KCNIP1: variants seen among roughly 807,000 people sequenced by gnomAD.
KCNIP1 encodes A-type potassium channel modulatory protein KCNIP1.
A neutral mutation model predicts 33.0 loss-of-function variants in KCNIP1; 18 were observed. The ratio of observed to expected loss-of-function variants is 0.55; its 90% CI spans 0.38 to 0.81. The LOEUF (loss-of-function observed/expected upper bound fraction) is 0.81. KCNIP1 is among the 30% of genes least tolerant of loss of function. The pLI is 0.00. For missense variants in KCNIP1, 238 were observed against 271.6 expected, an observed-to-expected ratio of 0.88 and a Z score of 0.87; for synonymous variants, 93 against 98.3, an observed-to-expected ratio of 0.95 and a Z score of 0.32.
At chr5:170,553,003 G>C (rs1756708574) in intron 1 of KCNIP1, among the ~76,000 whole-genome samples, 1 of 152,248 alleles carries the variant, frequency 6.6e-6, no homozygotes, top group South Asian at 2.1e-4. Flanking sequence ...CCAGCTGCTT[G>C]ATATGCAGGG....
At chr5:170,493,645 C>T (rs1169564010) in intron 1 of KCNIP1, among the ~76,000 whole-genome samples, 3 of 152,186 alleles carry the variant, frequency 2.0e-5, no homozygotes, top group Non-Finnish European at 4.4e-5. Flanking sequence ...CGTGACTCCT[C>T]TGCAGTTGGT....
At chr5:170,537,122 AG>A (rs967300220) in intron 1 of KCNIP1, among the ~76,000 whole-genome samples, 13 of 152,172 alleles carry the variant, frequency 8.5e-5, no homozygotes, top group Non-Finnish European at 1.6e-4. Flanking sequence ...TGGCTCAGAG[AG>A]GTAGCAGCTC....
At chr5:170,430,977 C>T (rs1049315501) in intron 1 of KCNIP1, among the ~76,000 whole-genome samples, 14 of 152,310 alleles carry the variant, frequency 9.2e-5, no homozygotes, top group Admixed American at 6.5e-4. Context: ...TGGTCCCACT[C>T]GTAGGAGGGG....
chr5:170,457,948 A>G (rs1354835944), intron 1 of KCNIP1, among the ~76,000 whole-genome samples: 4 of 152,236 alleles, frequency 2.6e-5, no homozygotes, highest in African/African-American at 7.2e-5. Context: ...CAAAAAAATG[A>G]TACAACAGGT....
At chr5:170,509,744 T>C (rs889187018) in intron 1 of KCNIP1, among the ~76,000 whole-genome samples, 1 of 152,194 alleles carries the variant, frequency 6.6e-6, no homozygotes, top group Admixed American at 6.5e-5. Flanking sequence ...ACAAAGAGCA[T>C]TGATAGTCAT....
intron 1 of KCNIP1, among the ~76,000 whole-genome samples, chr5:170,461,993 C>T (rs1411625831): frequency 6.6e-6 from 1 of 152,066 alleles, no homozygotes; most frequent in Admixed American, 6.6e-5. Context: ...AAATCTAAGA[C>T]CTGAAACTAT....
At chr5:170,675,527 A>G (rs1482543014) in intron 1 of KCNIP1, among the ~76,000 whole-genome samples, 2 of 152,038 alleles carry the variant, frequency 1.3e-5, no homozygotes, top group Admixed American at 6.5e-5. Context: ...AGGCTGAGGC[A>G]GGGGAATCAC....
chr5:170,639,096 G>C (rs1376340200), intron 1 of KCNIP1: 1 of 152,196 alleles, frequency 6.6e-6, no homozygotes, highest in East Asian at 1.9e-4. Context: ...ACTGACCCAA[G>C]GCTGTCTGGC....
rs191177040 is a variant in KCNIP1, at chr5:170,573,041, C to G, written c.61+68408C>G. 6.6e-5 allele frequency among the ~76,000 whole-genome samples: 10 copies of G among 152,344 alleles called. No individual in the cohort carries two copies. The East Asian group carries it at 1.7e-3, about 26-fold the overall frequency. ...AGAGAAGCCCAAGGCTGCTAAGCAG[C>G]AGAGCAGAGGGGCCAGTCCCCAGCC... On this transcript the variant is annotated intron_variant, in intron 1 of 7. Transcript: ENST00000328939.
intron 1 of KCNIP1, among the ~76,000 whole-genome samples, chr5:170,532,085 C>G (rs1035417003): frequency 6.6e-6 from 1 of 152,208 alleles, no homozygotes; most frequent in Non-Finnish European, 1.5e-5. Context: ...CTCTAGAAAG[C>G]CTTCCTCAAA....
intron 1 of KCNIP1, among the ~76,000 whole-genome samples, chr5:170,549,411 T>C (rs1259112184): frequency 6.6e-6 from 1 of 152,218 alleles, no homozygotes; most frequent in Non-Finnish European, 1.5e-5. Flanking sequence ...ATCATCCATA[T>C]AGTGTACATT....
chr5:170,415,250 T>G (rs1755297025), intron 1 of KCNIP1, among the ~76,000 whole-genome samples: 1 of 152,148 alleles, frequency 6.6e-6, no homozygotes, highest in Non-Finnish European at 1.5e-5. Context: ...GCTTTTGTGT[T>G]TGTGTTTGCC....
chr5:170,736,096 C>G lies in KCNIP1; in HGVS notation c.*290C>G. On this transcript the variant is annotated 3_prime_UTR_variant, in exon 8 of 8. Transcript: ENST00000328939. ...CACTGCTGCCCTATGGAAGGTCCCT[C>G]TGCTTAAGCTTAAACAGTAGTGCAC... 1 of 418,536 alleles carries G rather than the reference C, an allele frequency of 2.4e-6. No individual in the cohort carries two copies. The highest frequency in any genetic ancestry group is 4.8e-5 in the South Asian group (1 of 20,972). 25.9% of individuals were successfully genotyped at this position (418,536 alleles called of 1,614,324 possible). A position where few individuals can be genotyped will look rare whatever the true frequency, so the allele number is the denominator to read the frequency against.
rs112145408 is a variant in KCNIP1, at chr5:170,356,723, T to C, written c.88+2759T>C. ...ACCACTGTGGCCAGAGCTACTAGCA[T>C]GGGGCCCAGAATGGAGTATGTGTGT... On this transcript the variant is annotated intron_variant, in intron 1 of 7. Coordinates refer to the KCNIP1 transcript ENST00000377360. Among the ~76,000 whole-genome samples the C allele has an allele frequency of 2.6e-3, 402 of 152,286 alleles. 2 individuals carry two copies. The highest frequency in any genetic ancestry group is 4.6e-3 in the Non-Finnish European group (314 of 68,034).
In KCNIP1 at chr5:170,642,606, G is replaced by A. The variant is rs543400699; in HGVS notation, c.62-76152G>A. Among the ~76,000 whole-genome samples, 59 of 152,252 alleles carry A rather than the reference G, an allele frequency of 3.9e-4. No homozygotes were observed. The South Asian group carries it at 8.1e-3, about 21-fold the overall frequency. On this transcript the variant is annotated intron_variant, in intron 1 of 7. Coordinates refer to ENST00000328939, the MANE Select transcript of KCNIP1 (RefSeq NM_014592.4). ...CCAGCGCTCCCATGCCCCATAGCCG[G>A]GAGTAAAGGACAGATGCGGGGAATC...
At chr5:170,692,924 C>T (rs1368653006) in intron 1 of KCNIP1, among the ~76,000 whole-genome samples, 4 of 152,212 alleles carry the variant, frequency 2.6e-5, no homozygotes, top group Non-Finnish European at 5.9e-5. Context: ...AACTTGCTAT[C>T]TCCAGAGGAA....
chr5:170,394,912 T>C (rs567295208), intron 1 of KCNIP1, among the ~76,000 whole-genome samples: 8 of 152,366 alleles, frequency 5.3e-5, no homozygotes, highest in African/African-American at 1.9e-4. Flanking sequence ...TCCATCTTGC[T>C]GTAAAGGACA....
chr5:170,618,202 C>A (rs1759463496), intron 1 of KCNIP1, among the ~76,000 whole-genome samples: 1 of 152,046 alleles, frequency 6.6e-6, no homozygotes, highest in Non-Finnish European at 1.5e-5. Context: ...GGTTTAAATG[C>A]TGCCTGATTA....
intron 1 of KCNIP1, among the ~76,000 whole-genome samples, chr5:170,562,207 C>T (rs1162820117): frequency 6.6e-6 from 1 of 152,146 alleles, no homozygotes; most frequent in Non-Finnish European, 1.5e-5. Context: ...AGCTGAGACC[C>T]AAAGAATAAA....
Sources: allele counts gnomAD v4.1 joint callset (sites outside exome capture counted in the v4.1 genomes callset), GRCh38; gene constraint gnomAD v4.1.1; transcripts MANE v1.5; gene names NCBI Gene and HGNC (gene_info 2026-07-23, HGNC 2026-07-21).